Variants in CALD1 observed in about 807,000 individuals in gnomAD.
CALD1 encodes the protein caldesmon 1.
A neutral mutation model predicts 99.9 loss-of-function variants in CALD1; 33 were observed. The ratio of observed to expected loss-of-function variants is 0.33; its 90% CI spans 0.25 to 0.44. The LOEUF (loss-of-function observed/expected upper bound fraction) is 0.44, where lower values mean the gene tolerates loss of function less well. CALD1 is among the 20% of genes least tolerant of loss of function. CALD1 has a pLI of 1.00. For synonymous variants in CALD1, 310 were observed against 325.0 expected (o/e 0.95, Z 0.50); for missense variants, 861 against 962.1 (o/e 0.89, Z 1.39).
At chr7:134,753,383 C>T (rs1223145003) in intron 1 of CALD1, among the ~76,000 whole-genome samples, 1 of 152,190 alleles carries the variant, frequency 6.6e-6, no homozygotes, top group Admixed American at 6.5e-5. Flanking sequence ...GGATTCTCTA[C>T]GCTTTGTATG....
rs531675467 is a variant in CALD1, at chr7:134,919,829, T to C, written c.72-8925T>C. Among the ~76,000 whole-genome samples, 4 of 152,368 alleles carry C rather than the reference T, an allele frequency of 2.6e-5. No individual in the cohort carries two copies. The South Asian group carries it at 8.3e-4, about 32-fold the overall frequency. ...TTTTTCTTCTAAACCAAGAGGGCTT[T>C]CTTTCACTCTATCCTGTATTAATAA... On this transcript the variant is annotated intron_variant, in intron 3 of 14. Transcript: ENST00000361675.
chr7:134,805,912 C>T (rs1798119441), intron 1 of CALD1, among the ~76,000 whole-genome samples: 2 of 152,148 alleles, frequency 1.3e-5, no homozygotes, highest in African/African-American at 4.8e-5. Context: ...AGACACGTGC[C>T]ACCACACCCG....
Position 134,970,269 on chromosome 7 carries a change from C to G in CALD1, c.*1924C>G, listed in dbSNP as rs186215380. Reference sequence around the variant, plus strand: ...TGAATTAAGGCCTATGGTAAGGTAACATTGCTTTGTTGTACTTTTGAACAA... The same window carrying G: ...TGAATTAAGGCCTATGGTAAGGTAAGATTGCTTTGTTGTACTTTTGAACAA... On this transcript the variant is annotated 3_prime_UTR_variant, in exon 15 of 15. Transcript: ENST00000361675. 1 of 152,222 alleles carries G rather than the reference C, an allele frequency of 6.6e-6. No homozygotes were observed. Among genetic ancestry groups the G allele is most frequent in the Non-Finnish European group, 1.5e-5 (1 of 68,036 alleles). 9.4% of individuals were successfully genotyped at this position (152,222 alleles called of 1,614,324 possible). A position where few individuals can be genotyped will look rare whatever the true frequency, so the allele number is the denominator to read the frequency against.
intron 3 of CALD1, among the ~76,000 whole-genome samples, chr7:134,879,606 C>G (rs986700127): frequency 1.3e-5 from 2 of 152,134 alleles, no homozygotes; most frequent in African/African-American, 4.8e-5. Flanking sequence ...AAAACATTCA[C>G]TGACATTGAA....
chr7:134,721,573 C>T, the CALD1 span, among the ~76,000 whole-genome samples: 1 of 151,904 alleles, frequency 6.6e-6, no homozygotes, highest in Non-Finnish European at 1.5e-5. Context: ...AAATACAACC[C>T]CATGGCTGTG....
chr7:134,906,446 C>G (rs1205983678), intron 3 of CALD1, among the ~76,000 whole-genome samples: 2 of 152,186 alleles, frequency 1.3e-5, no homozygotes, highest in Non-Finnish European at 2.9e-5. Flanking sequence ...GCAATCATGT[C>G]TATTCAATGT....
At chr7:134,875,508 G>A (rs1801304357) in intron 3 of CALD1, among the ~76,000 whole-genome samples, 1 of 152,200 alleles carries the variant, frequency 6.6e-6, no homozygotes, top group Admixed American at 6.5e-5. Context: ...GTGGCAGTGG[G>A]CGCCTGCAAT....
upstream of CALD1, among the ~76,000 whole-genome samples, chr7:134,743,029 C>T (rs1796604332): frequency 6.6e-6 from 1 of 152,196 alleles, no homozygotes; most frequent in Non-Finnish European, 1.5e-5. Flanking sequence ...TAAAGTCAAT[C>T]TAAGATCTTA....
chr7:134,827,266 G>T (rs1404174983), intron 1 of CALD1, among the ~76,000 whole-genome samples: 1 of 152,168 alleles, frequency 6.6e-6, no homozygotes, highest in Non-Finnish European at 1.5e-5. Context: ...CCCTATCTCA[G>T]TGGACCAGGA....
intron 2 of CALD1, among the ~76,000 whole-genome samples, chr7:134,855,749 G>A (rs1800271173): frequency 6.6e-6 from 1 of 152,196 alleles, no homozygotes; most frequent in South Asian, 2.1e-4. Context: ...TAAACATAGT[G>A]TGGACAGCTT....
At chr7:134,935,257 C>G (rs997143737) in intron 5 of CALD1, among the ~76,000 whole-genome samples, 1 of 152,088 alleles carries the variant, frequency 6.6e-6, no homozygotes, top group Admixed American at 6.5e-5. Context: ...ACCACCACCA[C>G]CACTCCTAAA....
chr7:134,916,818 G>C (rs951108824), intron 3 of CALD1, among the ~76,000 whole-genome samples: 2 of 152,188 alleles, frequency 1.3e-5, no homozygotes, highest in East Asian at 1.9e-4. Context: ...CTTTAGTATT[G>C]CATCACATGA....
chr7:134,874,938 C>G (rs1586173261), intron 3 of CALD1, among the ~76,000 whole-genome samples: 1 of 152,310 alleles, frequency 6.6e-6, no homozygotes, highest in East Asian at 1.9e-4. Flanking sequence ...CACACAACCC[C>G]TCACACACGC....
chr7:134,752,022 C>T (rs919740546), intron 1 of CALD1, among the ~76,000 whole-genome samples: 3 of 152,100 alleles, frequency 2.0e-5, no homozygotes, highest in African/African-American at 7.2e-5. Flanking sequence ...TGATTCCTCA[C>T]CCAAGGTATA....
the CALD1 span, among the ~76,000 whole-genome samples, chr7:134,728,173 G>GC: frequency 1.5e-5 from 1 of 64,732 alleles, no homozygotes; most frequent in South Asian, 4.1e-4. Context: ...AGCCTATTTG[G>GC]CCTGACCAAC....
intron 3 of CALD1, among the ~76,000 whole-genome samples, chr7:134,922,921 A>G (rs764997170): frequency 5.9e-5 from 9 of 152,204 alleles, no homozygotes; most frequent in Non-Finnish European, 8.8e-5. Context: ...CCCATTGCAT[A>G]TATATTTTTT....
intron 1 of CALD1, among the ~76,000 whole-genome samples, chr7:134,795,236 G>A (rs562394512): frequency 5.3e-5 from 8 of 152,136 alleles, no homozygotes; most frequent in African/African-American, 1.2e-4. Context: ...TAATTCCCAC[G>A]TGTGGTAGGA....
At chr7:134,802,822 G>GT (rs1205310079) in intron 1 of CALD1, among the ~76,000 whole-genome samples, 1 of 152,190 alleles carries the variant, frequency 6.6e-6, no homozygotes, top group African/African-American at 2.4e-5. Context: ...TCAAATCTTC[G>GT]TAAGTCAAGG....
intron 3 of CALD1, among the ~76,000 whole-genome samples, chr7:134,901,656 A>G (rs1803008400): frequency 6.6e-6 from 1 of 152,144 alleles, no homozygotes; most frequent in Admixed American, 6.5e-5. Flanking sequence ...GTCTAGAATC[A>G]GGGTGTCAGC....
Sources: allele counts gnomAD v4.1 joint callset (sites outside exome capture counted in the v4.1 genomes callset), GRCh38; gene constraint gnomAD v4.1.1; transcripts MANE v1.5; gene names NCBI Gene and HGNC (gene_info 2026-07-23, HGNC 2026-07-21).